The following SEZ6L variants were observed in gnomAD, a reference collection of about 807,000 sequenced individuals.
SEZ6L encodes the protein seizure 6-like protein.
In SEZ6L, 37 loss-of-function variants were observed where a neutral mutation model predicts 106.2. The observed-to-expected ratio is 0.35, with a 90% confidence interval of 0.27 to 0.46. SEZ6L has a LOEUF of 0.46. Among genes scored for constraint, SEZ6L ranks in the 20% least tolerant of loss-of-function variants. The probability of loss-of-function intolerance (pLI) is 1.00; values close to 1 mark genes in which losing one functional copy is unlikely to be tolerated. For missense variants in SEZ6L, 1,172 were observed against 1,332.8 expected, an observed-to-expected ratio of 0.88 and a Z score of 1.88; for synonymous variants, 541 against 570.4, an observed-to-expected ratio of 0.95 and a Z score of 0.73.
At chr22:26,338,730 CTTT>C (rs1053643493) in intron 9 of SEZ6L, among the ~76,000 whole-genome samples, 1 of 151,800 alleles carries the variant, frequency 6.6e-6, no homozygotes, top group African/African-American at 2.4e-5. Context: ...CAGCTAATTT[CTTT>C]TTTTAGTAGA....
chr22:26,202,027 C>T (rs1277069726), intron 1 of SEZ6L, among the ~76,000 whole-genome samples: 1 of 152,138 alleles, frequency 6.6e-6, no homozygotes, highest in African/African-American at 2.4e-5. Flanking sequence ...CATTCTCCTG[C>T]CTCAGCCTCC....
intron 1 of SEZ6L, among the ~76,000 whole-genome samples, chr22:26,214,171 C>T (rs371126138): frequency 2.0e-5 from 3 of 152,180 alleles, no homozygotes; most frequent in East Asian, 1.9e-4. Flanking sequence ...AAAAGCTATA[C>T]AGTCTAATGG....
At chr22:26,379,063 A>T (rs2084326683) in intron 16 of SEZ6L, among the ~76,000 whole-genome samples, 1 of 152,200 alleles carries the variant, frequency 6.6e-6, no homozygotes, top group Admixed American at 6.5e-5. Context: ...GTCTCATCTG[A>T]GGCTCAACCA....
At chr22:26,305,857 G>A (rs1160101532) in intron 5 of SEZ6L, 122 bp from the exon 6 acceptor site, 2 of 1,040,464 alleles carry the variant, frequency 1.9e-6, no homozygotes, top group Non-Finnish European at 2.7e-6. Context: ...GGCAGGGGTG[G>A]GGATCAGGGG....
chr22:26,195,948 G>A (rs976082769), intron 1 of SEZ6L, among the ~76,000 whole-genome samples: 1 of 152,040 alleles, frequency 6.6e-6, no homozygotes, highest in Non-Finnish European at 1.5e-5. Context: ...GAGTTATCAG[G>A]CCAAGAGCAA....
chr22:26,294,630 G>C (rs769218787), intron 3 of SEZ6L, among the ~76,000 whole-genome samples: 1 of 152,040 alleles, frequency 6.6e-6, no homozygotes, highest in Non-Finnish European at 1.5e-5. Flanking sequence ...GAGGGAACAT[G>C]CTGACAAATT....
At chr22:26,329,632 C>A (rs747360377) in intron 9 of SEZ6L, among the ~76,000 whole-genome samples, 29 of 152,198 alleles carry the variant, frequency 1.9e-4, no homozygotes, top group Non-Finnish European at 3.4e-4. Context: ...TTGGGTTTCA[C>A]TGGGCCAAAG....
At chr22:26,362,243 G>A (rs1187957061) in intron 12 of SEZ6L, among the ~76,000 whole-genome samples, 1 of 152,220 alleles carries the variant, frequency 6.6e-6, no homozygotes, top group Non-Finnish European at 1.5e-5. Context: ...AAACACAGAA[G>A]CGTTGGCTGC....
intron 9 of SEZ6L, among the ~76,000 whole-genome samples, chr22:26,314,289 C>A (rs1258027610): frequency 6.6e-6 from 1 of 152,184 alleles, no homozygotes; most frequent in Non-Finnish European, 1.5e-5. Flanking sequence ...GAGAAGTCTT[C>A]CCCGAGGATC....
chr22:26,238,123 C>T (rs985395847), intron 1 of SEZ6L, among the ~76,000 whole-genome samples: 1 of 152,148 alleles, frequency 6.6e-6, no homozygotes, highest in Non-Finnish European at 1.5e-5. Context: ...AATCATGTCC[C>T]TATTATTAAT....
chr22:26,317,474 C>T (rs1256172332), intron 9 of SEZ6L, among the ~76,000 whole-genome samples: 1 of 151,592 alleles, frequency 6.6e-6, no homozygotes, highest in Non-Finnish European at 1.5e-5. Context: ...GGTGGTTTTG[C>T]TTAAATAAGA....
intron 1 of SEZ6L, among the ~76,000 whole-genome samples, chr22:26,269,495 T>C (rs1293080648): frequency 6.8e-6 from 1 of 148,048 alleles, no homozygotes; most frequent in East Asian, 1.9e-4. Context: ...CCTCGTTGTT[T>C]GCTGATCTGA....
chr22:26,223,868 A>G (rs1004244298), intron 1 of SEZ6L, among the ~76,000 whole-genome samples: 2 of 152,166 alleles, frequency 1.3e-5, no homozygotes, highest in East Asian at 3.9e-4. Context: ...GAGTTTGGGG[A>G]ATACTAGGCA....
intron 1 of SEZ6L, 152 bp downstream of exon 1, chr22:26,169,915 T>G (rs911863307): frequency 5.0e-6 from 2 of 396,502 alleles, no homozygotes; most frequent in Non-Finnish European, 8.8e-6. Flanking sequence ...GAACCGCACG[T>G]CCCCTTGGCC....
chr22:26,172,331 G>A (rs185813283), intron 1 of SEZ6L, among the ~76,000 whole-genome samples: 7 of 152,210 alleles, frequency 4.6e-5, no homozygotes, highest in Non-Finnish European at 8.8e-5. Flanking sequence ...CCTGCCAGGG[G>A]CCACCGTATC....
rs117878696 is a variant in SEZ6L, at chr22:26,302,131, A to G, written c.1348+2962A>G. Among the ~76,000 whole-genome samples the G allele has an allele frequency of 2.5e-3, 380 of 152,354 alleles. 8 individuals carry two copies. The East Asian group carries it at 0.059, about 24-fold the overall frequency. On this transcript the variant is annotated intron_variant, in intron 5 of 16. Transcript: ENST00000248933. Reference sequence around the variant, plus strand: ...GAGGCTTAGAGAGATGAAGTAACATACTTGAAGTGGCGAACTTAGTCCAGA... The same window carrying G: ...GAGGCTTAGAGAGATGAAGTAACATGCTTGAAGTGGCGAACTTAGTCCAGA...
intron 1 of SEZ6L, among the ~76,000 whole-genome samples, chr22:26,277,619 C>T (rs747095711): frequency 2.9e-4 from 44 of 152,166 alleles, no homozygotes; most frequent in Middle Eastern, 3.2e-3. Flanking sequence ...TTTGTGATAA[C>T]CAGTAGCATA....
At position 26,292,963 on chromosome 22, in the gene SEZ6L, A is replaced by G. The variant is rs1290551378; in HGVS notation, c.652A>G (p.Arg218Gly). Residue 218 changes from arginine (R) to glycine (G), a missense_variant, in exon 2 of 17, where the codon AGG (arginine) becomes GGG (glycine). Arg to Gly is a moderately radical substitution (Grantham distance 125). Around this residue, in one of 4 missense-constraint regions of SEZ6L, gnomAD observed 494 missense variants for 445.8 expected, o/e 1.11. Coordinates refer to ENST00000248933, the MANE Select transcript of SEZ6L (RefSeq NM_021115.5). ...CTATGTGGCCCACACACTCCCCCAG[A>G]GGCCAGAACCCGGGGAGCCTGGGCC... ...QPYVAHTLPQRPEPGEPGPDM... is the reference protein window; with the variant it reads ...QPYVAHTLPQGPEPGEPGPDM... The G allele has an allele frequency of 6.2e-7, 1 of 1,613,740 alleles. No homozygotes were observed. The highest frequency in any genetic ancestry group is 1.1e-5 in the South Asian group (1 of 91,040).
chr22:26,258,967 G>C (rs1041549254), intron 1 of SEZ6L, among the ~76,000 whole-genome samples: 12 of 152,238 alleles, frequency 7.9e-5, no homozygotes, highest in Non-Finnish European at 1.5e-5. Context: ...AGGGCAACTA[G>C]TGAAGAGACA....
Sources: gnomAD v4.1 joint callset for allele counts (sites outside exome capture counted in the v4.1 genomes callset) on GRCh38, gnomAD v4.1.1 for gene constraint, gnomAD v4.1.1 regional missense constraint, MANE v1.5 for transcripts, NCBI Gene and HGNC (gene_info 2026-07-23, HGNC 2026-07-21) for gene names.